MACF1: variants seen among roughly 807,000 people sequenced by gnomAD.
MACF1 encodes the protein microtubule actin crosslinking factor 1, also known as microtubule-actin cross-linking factor 1.
In MACF1, 193 loss-of-function variants were observed where a neutral mutation model predicts 854.8. That is an observed-to-expected ratio of 0.23 (90% CI 0.20 to 0.25). MACF1 has a LOEUF of 0.25. Among genes scored for constraint, MACF1 ranks in the 10% least tolerant of loss-of-function variants. MACF1 has a pLI of 1.00. For synonymous variants in MACF1, 3,185 were observed against 3,226.7 expected, an observed-to-expected ratio of 0.99 and a Z score of 0.44; for missense variants, 7,722 against 8,929.1, an observed-to-expected ratio of 0.86 and a Z score of 5.45.
chr1:39,197,189 C>T (rs1201950091), intron 2 of MACF1, among the ~76,000 whole-genome samples: 1 of 151,836 alleles, frequency 6.6e-6, no homozygotes, highest in South Asian at 2.1e-4. Flanking sequence ...AAGCAGTTCC[C>T]CTCTGCTTCT....
intron 97 of MACF1, among the ~76,000 whole-genome samples, chr1:39,477,094 C>T (rs11800663): frequency 0.59 from 45,833 of 78,244 alleles, 14,541 homozygotes; most frequent in South Asian, 0.71. Context: ...TATATATACA[C>T]ACACACACAT....
intron 2 of MACF1, among the ~76,000 whole-genome samples, chr1:39,245,954 T>C (rs1054585622): frequency 1.3e-5 from 2 of 152,236 alleles, no homozygotes; most frequent in African/African-American, 4.8e-5. Context: ...AGAAATAGTC[T>C]CACAAAAGCA....
At chr1:39,121,263 G>A (rs1253688617) in intron 2 of MACF1, among the ~76,000 whole-genome samples, 1 of 152,114 alleles carries the variant, frequency 6.6e-6, no homozygotes, top group African/African-American at 2.4e-5. Context: ...TACCAGGTAA[G>A]TGGGTTTTAA....
At chr1:39,206,795 T>C (rs1472132730) in intron 1 of MACF1, 1 of 152,196 alleles carries the variant, frequency 6.6e-6, no homozygotes, top group Non-Finnish European at 1.5e-5. Context: ...TTTATTATAA[T>C]TGCAATTTTA....
At chr1:39,406,848 C>T (rs1420645847) in intron 58 of MACF1, among the ~76,000 whole-genome samples, 1 of 151,172 alleles carries the variant, frequency 6.6e-6, no homozygotes, top group African/African-American at 2.4e-5. Flanking sequence ...GCATGCTAAA[C>T]AGTCTGTTAT....
At chr1:39,114,845 G>C (rs964553939) in intron 2 of MACF1, among the ~76,000 whole-genome samples, 1 of 152,168 alleles carries the variant, frequency 6.6e-6, no homozygotes, top group African/African-American at 2.4e-5. Flanking sequence ...GTGAGAAAGT[G>C]TCCAGGAAGG....
chr1:39,357,994 T>C, intron 45 of MACF1, 101 bp downstream of exon 45: 1 of 1,203,724 alleles, frequency 8.3e-7, no homozygotes, highest in Non-Finnish European at 1.1e-6. Flanking sequence ...CAGGACACAG[T>C]AGGAGAGCTG....
At chr1:39,469,015 A>T (rs1218872289) in intron 96 of MACF1, among the ~76,000 whole-genome samples, 1 of 152,192 alleles carries the variant, frequency 6.6e-6, no homozygotes, top group Non-Finnish European at 1.5e-5. Flanking sequence ...GGGGTATTAA[A>T]TTAACACTAT....
At chr1:39,311,164 G>A (rs78476295) in intron 26 of MACF1, among the ~76,000 whole-genome samples, 164 bp downstream of exon 26, 1 of 152,228 alleles carries the variant, frequency 6.6e-6, no homozygotes, top group Admixed American at 6.5e-5. Flanking sequence ...GTGGAGAAGT[G>A]TGATTTCAGC....
At chr1:39,337,068 A>G (rs1182921254) in intron 37 of MACF1, 114 bp from the exon 38 acceptor site, 2 of 908,114 alleles carry the variant, frequency 2.2e-6, no homozygotes. Context: ...ATTTTATCCC[A>G]CTCTATGTGC....
intron 17 of MACF1, 59 bp from the exon 18 acceptor site, chr1:39,293,399 G>A: frequency 7.2e-7 from 1 of 1,382,024 alleles, no homozygotes; most frequent in Non-Finnish European, 9.8e-7. Context: ...TGTCAAATGT[G>A]CTATCTTCTA....
chr1:39,415,508 G>A (rs1643262748), intron 58 of MACF1, among the ~76,000 whole-genome samples: 1 of 141,686 alleles, frequency 7.1e-6, no homozygotes, highest in Non-Finnish European at 1.5e-5. Flanking sequence ...GCAATTTTTT[G>A]TATATATATA....
chr1:39,345,581 A>G (rs911978263), intron 40 of MACF1, among the ~76,000 whole-genome samples: 2 of 152,238 alleles, frequency 1.3e-5, no homozygotes, highest in African/African-American at 4.8e-5. Context: ...ACTGCACTCC[A>G]GCCTGGGTGA....
intron 51 of MACF1, among the ~76,000 whole-genome samples, chr1:39,370,747 A>G (rs1353157902): frequency 1.3e-5 from 2 of 152,244 alleles, no homozygotes; most frequent in African/African-American, 2.4e-5. Flanking sequence ...AGTGAGTGCC[A>G]GGAGCATTTG....
intron 83 of MACF1, 96 bp downstream of exon 83, chr1:39,448,248 C>A: frequency 1.4e-6 from 2 of 1,380,856 alleles, no homozygotes; most frequent in South Asian, 2.9e-5. Context: ...AAAAGAAAAC[C>A]AATTGGTTAA....
intron 6 of MACF1, among the ~76,000 whole-genome samples, chr1:39,276,622 G>A (rs1557558705): frequency 6.6e-6 from 1 of 152,218 alleles, no homozygotes; most frequent in East Asian, 1.9e-4. Context: ...TCAAGGATGA[G>A]TTTATATGGT....
chr1:39,387,588 G>C lies in MACF1; in HGVS notation c.14746G>C (p.Val4916Leu). The change falls in exon 58 of 101, where the codon GTG (valine) becomes CTG (leucine). Residue 4916 changes from valine (V) to leucine (L), a missense_variant. Physicochemically the swap from Val to Leu is conservative, Grantham distance 32. Around this residue, in one of 15 missense-constraint regions of MACF1, gnomAD observed 2,807 missense variants for 3,235.8 expected, o/e 0.87. Coordinates refer to ENST00000564288, the MANE Select transcript of MACF1 (RefSeq NM_001394062.1). ...ATATCAGTGGCATGTGGAAGACCTT[G>C]TGCCATGGATAGAAGATTGTAAAGC... ...QKYQWHVEDL[V>L]PWIEDCKAKM... is the part of the protein sequence containing the mutation. 1 of 1,614,160 alleles carries C rather than the reference G, an allele frequency of 6.2e-7. No homozygotes were observed. Among genetic ancestry groups the C allele is most frequent in the Non-Finnish European group, 8.5e-7 (1 of 1,180,048 alleles).
chr1:39,361,939 G>A (rs1261205953), intron 49 of MACF1, among the ~76,000 whole-genome samples: 1 of 152,216 alleles, frequency 6.6e-6, no homozygotes, highest in Admixed American at 6.5e-5. Context: ...CTCAAGGGAT[G>A]CAGATTGATG....
At chr1:39,443,694 ATATAG>A in intron 79 of MACF1, 120 bp downstream of exon 79, 1 of 1,129,180 alleles carries the variant, frequency 8.9e-7, no homozygotes. Flanking sequence ...TTTATCAAAC[ATATAG>A]TATAACCTTT....
Sources: gnomAD v4.1 joint callset for allele counts (sites outside exome capture counted in the v4.1 genomes callset) on GRCh38, gnomAD v4.1.1 for gene constraint, gnomAD v4.1.1 regional missense constraint, MANE v1.5 for transcripts, NCBI Gene and HGNC (gene_info 2026-07-23, HGNC 2026-07-21) for gene names.